The following BRINP2 variants were observed in gnomAD, a reference collection of about 807,000 sequenced individuals.
BRINP2 encodes BMP/retinoic acid inducible neural specific 2.
Under a neutral mutation model 69.2 loss-of-function variants are expected in BRINP2, and 21 were observed. The ratio of observed to expected loss-of-function variants is 0.30; its 90% confidence interval spans 0.22 to 0.44. The LOEUF is 0.44. Ranked by LOEUF, BRINP2 falls within the 20% of genes least tolerant of loss-of-function variation. The probability of loss-of-function intolerance (pLI) is 1.00; values close to 1 mark genes in which losing one functional copy is unlikely to be tolerated. For missense variants in BRINP2, 877 were observed against 986.0 expected, an observed-to-expected ratio of 0.89 and a Z score of 1.48; for synonymous variants, 380 against 394.1, an observed-to-expected ratio of 0.96 and a Z score of 0.42.
chr1:177,209,164 A>G (rs1427893554), intron 1 of BRINP2, among the ~76,000 whole-genome samples: 1 of 152,100 alleles, frequency 6.6e-6, no homozygotes, highest in Non-Finnish European at 1.5e-5. Flanking sequence ...TCTGCATCAC[A>G]GTATGTGGTG....
At chr1:177,227,658 A>G (rs1395162934) in intron 1 of BRINP2, among the ~76,000 whole-genome samples, 1 of 149,622 alleles carries the variant, frequency 6.7e-6, no homozygotes, top group Non-Finnish European at 1.5e-5. Flanking sequence ...ACATTTGAGG[A>G]TTTTCCTTCT....
At chr1:177,187,699 C>A (rs1313033155) in intron 1 of BRINP2, among the ~76,000 whole-genome samples, 1 of 152,214 alleles carries the variant, frequency 6.6e-6, no homozygotes, top group Non-Finnish European at 1.5e-5. Context: ...TGCTCTTGAA[C>A]AGTGAATGTT....
At chr1:177,220,207 G>C (rs1253065991) in intron 1 of BRINP2, among the ~76,000 whole-genome samples, 1 of 152,164 alleles carries the variant, frequency 6.6e-6, no homozygotes, top group Non-Finnish European at 1.5e-5. Context: ...GCAGGAAATG[G>C]GGGAGTGGAG....
Position 177,171,051 on chromosome 1 carries a change from A to G in BRINP2, c.-758A>G, listed in dbSNP as rs1281408992. ...CTGGGATGCAATCCGCCTGCCTCGC[A>G]AGCTGCTCGCCGCTGCGCTGGCAGC... On this transcript the variant is annotated 5_prime_UTR_variant, in exon 1 of 8. Transcript: ENST00000361539. Among the ~76,000 whole-genome samples, 1 of 152,240 alleles carries G rather than the reference A, an allele frequency of 6.6e-6. No individual in the cohort carries two copies. Among genetic ancestry groups the G allele is most frequent in the African/African-American group, 2.4e-5 (1 of 41,462 alleles).
At chr1:177,210,270 A>T (rs923405291) in intron 1 of BRINP2, among the ~76,000 whole-genome samples, 1 of 152,080 alleles carries the variant, frequency 6.6e-6, no homozygotes, top group Non-Finnish European at 1.5e-5. Flanking sequence ...ATATTTACTC[A>T]CCTAAGTTCC....
intron 2 of BRINP2, among the ~76,000 whole-genome samples, chr1:177,244,870 T>G (rs1369208545): frequency 1.3e-5 from 2 of 152,150 alleles, no homozygotes; most frequent in Admixed American, 1.3e-4. Context: ...TATTGAGGTC[T>G]TGGCCCCAAA....
intron 1 of BRINP2, among the ~76,000 whole-genome samples, chr1:177,215,712 A>G (rs1250336252): frequency 6.6e-6 from 1 of 152,140 alleles, no homozygotes; most frequent in African/African-American, 2.4e-5. Flanking sequence ...TGGTGTAATA[A>G]GGAATTCCAA....
chr1:177,214,051 A>AT (rs1345540760), intron 1 of BRINP2, among the ~76,000 whole-genome samples: 5 of 152,168 alleles, frequency 3.3e-5, no homozygotes, highest in Non-Finnish European at 7.4e-5. Context: ...GGGGCTCTTA[A>AT]TTTTGCACAA....
intron 1 of BRINP2, among the ~76,000 whole-genome samples, chr1:177,194,759 G>A (rs573440028): frequency 2.1e-5 from 3 of 142,410 alleles, no homozygotes; most frequent in South Asian, 2.1e-4. Flanking sequence ...CTTAAGTGGC[G>A]AGGCTGTGTG....
At chr1:177,221,583 T>A (rs1218752238) in intron 1 of BRINP2, among the ~76,000 whole-genome samples, 2 of 152,186 alleles carry the variant, frequency 1.3e-5, no homozygotes, top group East Asian at 3.9e-4. Flanking sequence ...GGGAGGTTTT[T>A]AAAAAATATT....
At chr1:177,279,494 G>A (rs1469176679) in intron 7 of BRINP2, among the ~76,000 whole-genome samples, 3 of 152,218 alleles carry the variant, frequency 2.0e-5, no homozygotes, top group Admixed American at 1.3e-4. Flanking sequence ...GCCACATTTT[G>A]TGGGAAGAGA....
intron 2 of BRINP2, 136 bp downstream of exon 2, chr1:177,230,281 AC>A: frequency 1.0e-6 from 1 of 955,208 alleles, no homozygotes; most frequent in Non-Finnish European, 1.5e-6. Flanking sequence ...CTGGAGGAAC[AC>A]CAGGCAGGGA....
intron 1 of BRINP2, among the ~76,000 whole-genome samples, chr1:177,193,003 TAAC>T (rs934071102): frequency 2.0e-5 from 3 of 152,146 alleles, no homozygotes; most frequent in African/African-American, 7.2e-5. Context: ...ACACTGAACA[TAAC>T]AACCTCACAA....
At chr1:177,248,468 TGTGC>T (rs1194185097) in intron 2 of BRINP2, among the ~76,000 whole-genome samples, 6 of 150,704 alleles carry the variant, frequency 4.0e-5, no homozygotes, top group Middle Eastern at 3.4e-3. Flanking sequence ...TGCGTGTGTG[TGTGC>T]GTGTGTGTGT....
intron 1 of BRINP2, among the ~76,000 whole-genome samples, chr1:177,204,816 GTA>G (rs1185071778): frequency 6.6e-6 from 1 of 152,126 alleles, no homozygotes; most frequent in Non-Finnish European, 1.5e-5. Context: ...TTTTGTGTGT[GTA>G]TATAGAGTCT....
chr1:177,261,125 C>A (rs183866187), intron 4 of BRINP2, among the ~76,000 whole-genome samples: 1 of 151,582 alleles, frequency 6.6e-6, no homozygotes, highest in Non-Finnish European at 1.5e-5. Context: ...AGTGGCAGGG[C>A]AGTGTACTTT....
At chr1:177,268,611 G>T (rs1213634608) in intron 4 of BRINP2, among the ~76,000 whole-genome samples, 1 of 152,098 alleles carries the variant, frequency 6.6e-6, no homozygotes, top group South Asian at 2.1e-4. Context: ...CTGTTGGAAG[G>T]TTTACCCAAA....
chr1:177,173,865 C>T (rs917204788), intron 1 of BRINP2, among the ~76,000 whole-genome samples: 1 of 152,302 alleles, frequency 6.6e-6, no homozygotes, highest in Non-Finnish European at 1.5e-5. Context: ...GAGACATCTG[C>T]GTGGGCACTT....
intron 1 of BRINP2, among the ~76,000 whole-genome samples, chr1:177,223,104 C>T (rs1201755602): frequency 2.0e-5 from 3 of 152,262 alleles, no homozygotes; most frequent in South Asian, 2.1e-4. Flanking sequence ...TCTGCACATT[C>T]GGCCCCTGGC....
Sources: allele counts gnomAD v4.1 joint callset (sites outside exome capture counted in the v4.1 genomes callset), GRCh38; gene constraint gnomAD v4.1.1; transcripts MANE v1.5; gene names NCBI Gene and HGNC (gene_info 2026-07-23, HGNC 2026-07-21).